The following RPIA variants were observed in gnomAD, a reference collection of about 807,000 sequenced individuals.
RPIA encodes ribose-5-phosphate isomerase.
In RPIA, 29 loss-of-function variants were observed where a neutral mutation model predicts 37.8. That is an observed-to-expected ratio of 0.77 (90% CI 0.57 to 1.05). The LOEUF is 1.05. Among genes scored for constraint, RPIA ranks in the 50% least tolerant of loss-of-function variants. The probability of loss-of-function intolerance (pLI) is 0.00; values close to 1 mark genes in which losing one functional copy is unlikely to be tolerated. For missense variants in RPIA, 385 were observed against 413.6 expected (o/e 0.93, Z 0.60); for synonymous variants, 167 against 157.0 (o/e 1.06, Z -0.48).
At chr2:88,749,641 C>T (rs1673479560) in intron 8 of RPIA, among the ~76,000 whole-genome samples, 1 of 152,136 alleles carries the variant, frequency 6.6e-6, no homozygotes, top group South Asian at 2.1e-4. Flanking sequence ...GACTTGCCAT[C>T]TGATATGTCT....
intron 1 of RPIA, among the ~76,000 whole-genome samples, chr2:88,697,560 C>T (rs1672767143): frequency 6.6e-6 from 1 of 152,024 alleles, no homozygotes; most frequent in African/African-American, 2.4e-5. Flanking sequence ...CTTGCAGGTA[C>T]CTTCTTTGTT....
chr2:88,734,650 A>G (rs1462000910), intron 5 of RPIA, 34 bp downstream of exon 5: 12 of 1,605,884 alleles, frequency 7.5e-6, no homozygotes, highest in Non-Finnish European at 9.4e-6. Flanking sequence ...GCTAAAGAGT[A>G]TCTGCCAGTT....
intron 3 of RPIA, among the ~76,000 whole-genome samples, chr2:88,713,121 T>TATATATATATATATATA (rs58120689): frequency 5.3e-5 from 3 of 56,292 alleles, no homozygotes; most frequent in African/African-American, 2.4e-4. Context: ...TATATATATA[T>TATATATATATATATATA]TTTTTTTTTT....
chr2:88,726,189 G>A (rs1235336616), intron 3 of RPIA, among the ~76,000 whole-genome samples: 1 of 152,126 alleles, frequency 6.6e-6, no homozygotes, highest in Admixed American at 6.5e-5. Context: ...CCCTTCTCAT[G>A]TGCCAGGCTT....
At chr2:88,713,849 C>A (rs1283187493) in intron 3 of RPIA, among the ~76,000 whole-genome samples, 5 of 150,400 alleles carry the variant, frequency 3.3e-5, no homozygotes, top group South Asian at 2.1e-4. Context: ...TTTCTAATAG[C>A]TCTTTTTTGT....
intron 3 of RPIA, among the ~76,000 whole-genome samples, chr2:88,720,875 A>G (rs557728032): frequency 6.6e-5 from 10 of 152,168 alleles, no homozygotes; most frequent in Non-Finnish European, 1.3e-4. Context: ...GTATATACCC[A>G]AAGGATTATA....
chr2:88,742,258 T>C (rs1180631766), intron 8 of RPIA, among the ~76,000 whole-genome samples: 1 of 152,258 alleles, frequency 6.6e-6, no homozygotes, highest in Non-Finnish European at 1.5e-5. Context: ...AGTTTCATTC[T>C]TCTATATGTG....
At chr2:88,742,546 A>G (rs894580169) in intron 8 of RPIA, among the ~76,000 whole-genome samples, 4 of 152,060 alleles carry the variant, frequency 2.6e-5, no homozygotes, top group Non-Finnish European at 4.4e-5. Context: ...TTGCTTTTCC[A>G]TATGAATTTT....
chr2:88,723,150 A>G (rs1032488052), intron 3 of RPIA, among the ~76,000 whole-genome samples: 1 of 152,234 alleles, frequency 6.6e-6, no homozygotes, highest in Non-Finnish European at 1.5e-5. Context: ...GCAAAAAACA[A>G]CAACAATAAA....
intron 8 of RPIA, 110 bp from the exon 9 acceptor site, chr2:88,749,871 A>C: frequency 1.4e-6 from 1 of 729,466 alleles, no homozygotes; most frequent in Non-Finnish European, 2.5e-6. Context: ...TAGATTTGTC[A>C]TTCGTCCAAT....
rs570557865 is a variant in RPIA at position 88,723,191 on chromosome 2, A to C, written c.403-6087A>C. Among the ~76,000 whole-genome samples the C allele has an allele frequency of 2.0e-5, 3 of 152,302 alleles. No homozygotes were observed. The East Asian group carries it at 5.8e-4, about 29-fold the overall frequency. On this transcript the variant is annotated intron_variant, in intron 3 of 8. Transcript: ENST00000283646. ...TAACAATATGATCACCGAGTGCTCT[A>C]ATGGTAAGGAGAGATTAAGACCAAC...
intron 3 of RPIA, among the ~76,000 whole-genome samples, chr2:88,709,378 G>A (rs1672935572): frequency 6.6e-6 from 1 of 152,154 alleles, no homozygotes; most frequent in Admixed American, 6.5e-5. Flanking sequence ...AAATCCACTT[G>A]CCAGATATCA....
intron 2 of RPIA, among the ~76,000 whole-genome samples, chr2:88,699,042 C>A (rs1424109794): frequency 6.6e-6 from 1 of 152,242 alleles, no homozygotes; most frequent in Non-Finnish European, 1.5e-5. Flanking sequence ...GCCCCTATGG[C>A]TGCTCAACAG....
At chr2:88,700,649 G>A (rs533869294) in intron 3 of RPIA, among the ~76,000 whole-genome samples, 1 of 152,098 alleles carries the variant, frequency 6.6e-6, no homozygotes, top group South Asian at 2.1e-4. Context: ...GTGAGACCCT[G>A]TCTCAAGAAA....
chr2:88,691,673 AGC>A lies in RPIA; in HGVS notation c.-24_-23del. The stretch of plus-strand genomic sequence containing the variant: ...CCGGGGGAGCCGGGGGCGGGACTTC[AGC>A]GGAGGCCGGAGCGAGGCGTCGGGAT... On this transcript the variant is annotated 5_prime_UTR_variant, in exon 1 of 9. Transcript: ENST00000283646. The A allele has an allele frequency of 1.9e-6, 3 of 1,569,678 alleles. No individual in the cohort carries two copies. Among genetic ancestry groups the A allele is most frequent in the Non-Finnish European group, 1.7e-6 (2 of 1,167,042 alleles).
chr2:88,721,713 G>C (rs1320952610), intron 3 of RPIA, among the ~76,000 whole-genome samples: 2 of 147,942 alleles, frequency 1.4e-5, no homozygotes, highest in Non-Finnish European at 3.0e-5. Flanking sequence ...CCATAAAAAA[G>C]GATGAGTTCA....
At chr2:88,745,910 A>G (rs981581600) in intron 8 of RPIA, among the ~76,000 whole-genome samples, 1 of 152,194 alleles carries the variant, frequency 6.6e-6, no homozygotes, top group African/African-American at 2.4e-5. Flanking sequence ...TTCCTCAGGA[A>G]CATCAGTTAT....
rs189585461 is a variant in RPIA at position 88,711,390 on chromosome 2, G to A, written c.402+11326G>A. On this transcript the variant is annotated intron_variant, in intron 3 of 8. Coordinates refer to ENST00000283646, the MANE Select transcript of RPIA (RefSeq NM_144563.3). ...AACTTGAAGCTCCAGGGCAGAGTTG[G>A]GACTTCCAGGTCATAGCTGCATTCA... 8.0e-4 allele frequency among the ~76,000 whole-genome samples: 122 copies of A among 152,318 alleles called. 4 individuals are homozygous for A. In the East Asian group the frequency reaches 0.021, roughly 26 times the overall value.
rs867861271 is a variant in RPIA at position 88,699,500 on chromosome 2, T to C, written c.347-509T>C. 2.0e-4 allele frequency among the ~76,000 whole-genome samples: 31 copies of C among 152,188 alleles called. No individual in the cohort carries two copies. In the South Asian group the frequency reaches 4.3e-3, roughly 21 times the overall value. On this transcript the variant is annotated intron_variant, in intron 2 of 8. Transcript: ENST00000283646. Reference sequence around the variant, plus strand: ...TCTCTGGGGCCTACAAATAAGTATGTTTTTTACTAAAATGCAAAAGTAAAG... The same window carrying C: ...TCTCTGGGGCCTACAAATAAGTATGCTTTTTACTAAAATGCAAAAGTAAAG...
Sources: allele counts gnomAD v4.1 joint callset (sites outside exome capture counted in the v4.1 genomes callset), GRCh38; gene constraint gnomAD v4.1.1; transcripts MANE v1.5; gene names NCBI Gene and HGNC (gene_info 2026-07-23, HGNC 2026-07-21).